VPS13B: variants seen among roughly 807,000 people sequenced by gnomAD.
VPS13B encodes the protein intermembrane lipid transfer protein VPS13B.
A neutral mutation model predicts 426.4 loss-of-function variants in VPS13B; 285 were observed. The observed-to-expected ratio is 0.67, with a 90% CI of 0.61 to 0.74. The LOEUF (loss-of-function observed/expected upper bound fraction) is 0.74, where lower values mean the gene tolerates loss of function less well. Ranked by LOEUF, VPS13B falls within the 30% of genes least tolerant of loss-of-function variation. VPS13B has a pLI of 0.00. For missense variants in VPS13B, 4,537 were observed against 4,782.6 expected (o/e 0.95, Z 1.51); for synonymous variants, 1,676 against 1,676.4 (o/e 1.00, Z 0.01).
intron 31 of VPS13B, among the ~76,000 whole-genome samples, chr8:99,559,917 A>C (rs1824809665): frequency 6.6e-6 from 1 of 152,138 alleles, no homozygotes; most frequent in Admixed American, 6.5e-5. Context: ...TATGAACTTT[A>C]AAGTAGTTTT....
Position 99,107,018 on chromosome 8 carries a change from A to G in VPS13B, c.580+3898A>G, listed in dbSNP as rs148538976. Among the ~76,000 whole-genome samples the G allele has an allele frequency of 8.5e-4, 130 of 152,324 alleles. 2 individuals are homozygous for G. The highest frequency in any genetic ancestry group is 7.7e-3 in the East Asian group (40 of 5,188). ...TACATGTCCTTTGGTGGACATATAC[A>G]TACATTTCTGTTGGGTATATGCCTA... On this transcript the variant is annotated intron_variant, in intron 5 of 61. Coordinates refer to ENST00000357162, the MANE Select transcript of VPS13B (RefSeq NM_152564.5).
intron 17 of VPS13B, among the ~76,000 whole-genome samples, chr8:99,258,439 A>G (rs1218950463): frequency 2.0e-5 from 3 of 152,052 alleles, no homozygotes; most frequent in South Asian, 4.1e-4. Flanking sequence ...CACAACAATA[A>G]TTAGTTATCA....
rs778286053 is a variant in VPS13B at position 99,699,952 on chromosome 8, A to AG, written c.6454+26dup. ...TACCTGGTAAGTCACAGAAAAGGGG[A>AG]GGGGGGAGACAGAACAAGTAAGATG... On this transcript the variant is annotated intron_variant, in intron 36 of 61. Transcript: ENST00000357162. 1.4e-5 allele frequency: 22 copies of AG among 1,612,702 alleles called. No homozygotes were observed. The highest frequency in any genetic ancestry group is 1.8e-5 in the Non-Finnish European group (21 of 1,179,468).
chr8:99,081,608 AAC>A (rs1845465239), intron 3 of VPS13B, among the ~76,000 whole-genome samples: 1 of 87,388 alleles, frequency 1.1e-5, no homozygotes, highest in Non-Finnish European at 2.2e-5. Flanking sequence ...CCCACCCCAC[AAC>A]AGGCCCCCAC....
intron 19 of VPS13B, among the ~76,000 whole-genome samples, chr8:99,333,077 ATAGTAT>A (rs1413027498): frequency 6.6e-6 from 1 of 151,748 alleles, no homozygotes; most frequent in African/African-American, 2.4e-5. Flanking sequence ...GTCTATTTAA[ATAGTAT>A]TAGGTTACTG....
chr8:99,461,009 G>C (rs1818802125), intron 23 of VPS13B, among the ~76,000 whole-genome samples: 1 of 152,112 alleles, frequency 6.6e-6, no homozygotes, highest in African/African-American at 2.4e-5. Context: ...TGCTGAAATG[G>C]TTGTGTTTTT....
intron 35 of VPS13B, among the ~76,000 whole-genome samples, chr8:99,686,346 G>C (rs958645865): frequency 3.3e-5 from 5 of 152,082 alleles, no homozygotes; most frequent in African/African-American, 1.2e-4. Flanking sequence ...CTCACCCAAG[G>C]CTCATGATAA....
intron 19 of VPS13B, among the ~76,000 whole-genome samples, chr8:99,365,606 T>C (rs1294975719): frequency 2.8e-5 from 4 of 143,604 alleles, no homozygotes; most frequent in African/African-American, 1.0e-4. Flanking sequence ...AACCACTGCC[T>C]CCCGGGTTCA....
At chr8:99,774,014 T>C (rs1396218209) in intron 40 of VPS13B, among the ~76,000 whole-genome samples, 6 of 152,198 alleles carry the variant, frequency 3.9e-5, no homozygotes. Flanking sequence ...TTTATGACTA[T>C]TTAGTCCTAT....
At chr8:99,454,871 T>G (rs1818372102) in intron 23 of VPS13B, among the ~76,000 whole-genome samples, 1 of 152,210 alleles carries the variant, frequency 6.6e-6, no homozygotes, top group East Asian at 1.9e-4. Context: ...AGTTTCCTGA[T>G]GACATGTTCT....
intron 35 of VPS13B, among the ~76,000 whole-genome samples, chr8:99,663,310 C>G (rs1318513138): frequency 6.6e-6 from 1 of 152,068 alleles, no homozygotes; most frequent in African/African-American, 2.4e-5. Flanking sequence ...GCATGTTTTT[C>G]TAGTGCTGGG....
chr8:99,718,958 G>T (rs912280415), intron 37 of VPS13B, among the ~76,000 whole-genome samples: 1 of 151,976 alleles, frequency 6.6e-6, no homozygotes, highest in Admixed American at 6.6e-5. Flanking sequence ...CCAATTTTTT[G>T]TATTTATCTA....
intron 24 of VPS13B, among the ~76,000 whole-genome samples, chr8:99,474,473 C>G (rs770884851): frequency 2.0e-5 from 3 of 152,068 alleles, no homozygotes; most frequent in Non-Finnish European, 4.4e-5. Flanking sequence ...AGGCATGAGC[C>G]ACTGCACCCG....
At chr8:99,115,930 A>C in intron 7 of VPS13B, 56 bp downstream of exon 7, 1 of 1,563,644 alleles carries the variant, frequency 6.4e-7, no homozygotes. Flanking sequence ...CTTACGTTTT[A>C]CCATTGGGAA....
At chr8:99,552,627 T>G (rs991903745) in intron 30 of VPS13B, among the ~76,000 whole-genome samples, 1 of 151,862 alleles carries the variant, frequency 6.6e-6, no homozygotes, top group Non-Finnish European at 1.5e-5. Context: ...ACAGGTAAGT[T>G]GATAAATTAC....
intron 21 of VPS13B, among the ~76,000 whole-genome samples, chr8:99,418,941 C>T (rs2133376512): frequency 6.6e-6 from 1 of 152,330 alleles, no homozygotes; most frequent in South Asian, 2.1e-4. Flanking sequence ...ACTCTGTCAT[C>T]TTCCTTCAGG....
At chr8:99,258,784 A>T (rs1447333110) in intron 17 of VPS13B, among the ~76,000 whole-genome samples, 1 of 152,070 alleles carries the variant, frequency 6.6e-6, no homozygotes, top group Non-Finnish European at 1.5e-5. Context: ...GCTTTTAGAG[A>T]TAAAAGCAAT....
intron 34 of VPS13B, among the ~76,000 whole-genome samples, chr8:99,645,435 T>C (rs1358940414): frequency 6.6e-6 from 1 of 152,206 alleles, no homozygotes; most frequent in Non-Finnish European, 1.5e-5. Flanking sequence ...GCAGAAAACC[T>C]GGGATTTTTA....
At chr8:99,044,241 A>G (rs4327836) in intron 3 of VPS13B, among the ~76,000 whole-genome samples, 125,453 of 151,208 alleles carry the variant, frequency 0.83, 52,563 homozygotes, top group South Asian at 0.89. Context: ...CCACCACCTC[A>G]ACCAGCTAAT....
Sources: gnomAD v4.1 joint callset for allele counts (sites outside exome capture counted in the v4.1 genomes callset) on GRCh38, gnomAD v4.1.1 for gene constraint, MANE v1.5 for transcripts, NCBI Gene and HGNC (gene_info 2026-07-23, HGNC 2026-07-21) for gene names.